SIGLEC1: variants seen among roughly 807,000 people sequenced by gnomAD.
The protein encoded by SIGLEC1 is sialoadhesin.
Under a neutral mutation model 148.0 loss-of-function variants are expected in SIGLEC1, and 132 were observed. The observed-to-expected ratio is 0.89, with a 90% CI of 0.77 to 1.03. The LOEUF (loss-of-function observed/expected upper bound fraction) is 1.03, where lower values mean the gene tolerates loss of function less well. SIGLEC1 is among the 50% of genes least tolerant of loss of function. The probability of loss-of-function intolerance (pLI) is 0.00; values close to 1 mark genes in which losing one functional copy is unlikely to be tolerated. For missense variants in SIGLEC1, 2,253 were observed against 2,271.4 expected (o/e 0.99, Z 0.16); for synonymous variants, 945 against 969.0 (o/e 0.98, Z 0.46).
Position 3,703,980 on chromosome 20 carries a change from G to A in SIGLEC1, c.818C>T (p.Ser273Phe). Reference sequence around the variant, plus strand: ...TACCCCATCCTTGAGCCACTTAATGGAACTGACTGCAGGGTAGCTGCTGTT... The same window carrying A: ...TACCCCATCCTTGAGCCACTTAATGAAACTGACTGCAGGGTAGCTGCTGTT... ...QVNSSYPAVS[S>F]IKWLKDGVRL... Residue 273 changes from serine to phenylalanine, a missense_variant, in exon 5 of 22, where the codon TCC becomes TTC. Transcript: ENST00000344754. 1.9e-6 allele frequency: 3 copies of A among 1,612,498 alleles called. No individual in the cohort carries two copies. The highest frequency in any genetic ancestry group is 2.5e-6 in the Non-Finnish European group (3 of 1,178,984).
rs780180934 is a variant in SIGLEC1, at chr20:3,697,103, C to A, written c.2362G>T (p.Val788Leu). The change falls in exon 10 of 22, where the codon GTG (valine) becomes TTG (leucine). Residue 788 changes from valine (V) to leucine (L), a missense_variant. Physicochemically the swap from Val to Leu is conservative, Grantham distance 32 (BLOSUM62 1). Coordinates refer to ENST00000344754, the MANE Select transcript of SIGLEC1 (RefSeq NM_023068.4). The part of the protein sequence containing the change: ...TEAGAQLSTP[V>L]LLSVLYPPDR... ...CACCCACAGAGTACACTCAGGAGCA[C>A]GGGAGTGGAGAGCTGGGCACCAGCC... 81 of 1,612,038 alleles carry A rather than the reference C, an allele frequency of 5.0e-5. No individual in the cohort carries two copies. The highest frequency in any genetic ancestry group is 6.5e-5 in the Non-Finnish European group (77 of 1,180,002).
chr20:3,698,785 C>G (rs1310373766), intron 8 of SIGLEC1, among the ~76,000 whole-genome samples: 1 of 152,244 alleles, frequency 6.6e-6, no homozygotes, highest in Non-Finnish European at 1.5e-5. Flanking sequence ...TTACACGGAG[C>G]CTCCCCGCTT....
Position 3,694,936 on chromosome 20 carries a change from A to T in SIGLEC1, c.2684-13T>A. 1 of 1,605,862 alleles carries T rather than the reference A, an allele frequency of 6.2e-7. No homozygotes were observed. Among genetic ancestry groups the T allele is most frequent in the Non-Finnish European group, 8.5e-7 (1 of 1,176,328 alleles). On this transcript the variant is annotated splice_polypyrimidine_tract_variant and intron_variant, in intron 11 of 21. Transcript: ENST00000344754. The stretch of plus-strand genomic sequence containing the variant: ...TGGACCCAGGCTCCTGCAGGGGAAA[A>T]CCAAGAGCAGGTGAGGGCTCTCCAC...
rs2087921641 is a variant in SIGLEC1 at position 3,710,388 on chromosome 20, C to A, written c.-110+2082G>T. Among the ~76,000 whole-genome samples, 1 of 152,188 alleles carries A rather than the reference C, an allele frequency of 6.6e-6. No individual in the cohort carries two copies. The highest frequency in any genetic ancestry group is 2.1e-4 in the South Asian group (1 of 4,830). On this transcript the variant is annotated intron_variant, in intron 1 of 21. Coordinates refer to ENST00000344754, the MANE Select transcript of SIGLEC1 (RefSeq NM_023068.4). The surrounding 1 kb of genome is among the most constrained non-coding windows in gnomAD (Gnocchi z 4.6). Reference sequence around the variant, plus strand: ...GGACACCGCTCCCCAGGGGACCCAGCCCTCTCGCAGGCTGCTGGAGTGGAC... The same window carrying A: ...GGACACCGCTCCCCAGGGGACCCAGACCTCTCGCAGGCTGCTGGAGTGGAC...
Position 3,699,176 on chromosome 20 carries a change from G to C in SIGLEC1, c.1786+26C>G, listed in dbSNP as rs368505781. 272 of 1,603,416 alleles carry C rather than the reference G, an allele frequency of 1.7e-4. 3 individuals are homozygous for C. The highest frequency in any genetic ancestry group is 4.3e-4 in the Middle Eastern group (2 of 4,636). ...GGGTGGCTGGTGGGTCCCGGCAGGA[G>C]GCTGCAACAGGTGGTGGCTGCTCAC... is the stretch of plus-strand genomic sequence containing the variant. On this transcript the variant is annotated intron_variant, in intron 8 of 21. Transcript: ENST00000344754.
chr20:3,704,847 C>T (rs1391689315), intron 4 of SIGLEC1, among the ~76,000 whole-genome samples: 1 of 152,128 alleles, frequency 6.6e-6, no homozygotes, highest in African/African-American at 2.4e-5. Flanking sequence ...TGGTCTCGAA[C>T]TCCTTGCCTC....
At chr20:3,712,445 G>C (rs1352146328) in intron 1 of SIGLEC1, among the ~76,000 whole-genome samples, 25 bp downstream of exon 1, 2 of 151,896 alleles carry the variant, frequency 1.3e-5, no homozygotes, top group Non-Finnish European at 2.9e-5. Context: ...CACCCTCTGG[G>C]CCCAGGGACC....
rs948565843 is a variant in SIGLEC1 at position 3,695,052 on chromosome 20, A to G, written c.2684-129T>C. 4 of 944,420 alleles carry G rather than the reference A, an allele frequency of 4.2e-6. No homozygotes were observed. The African/African-American group carries it at 6.6e-5, about 16-fold the overall frequency. The allele number at this position is 944,420 out of a possible 1,614,324, so 58.5% of individuals were successfully genotyped here. A position where few individuals can be genotyped will look rare whatever the true frequency, so the allele number is the denominator to read the frequency against. On this transcript the variant is annotated intron_variant, in intron 11 of 21. Coordinates refer to ENST00000344754, the MANE Select transcript of SIGLEC1 (RefSeq NM_023068.4). ...CTGGAGCCGCAGCCCCTTCCAGACC[A>G]CCGCCAGGGCCCACTCAGCCCTATG...
rs1022434366 is a variant in SIGLEC1, at chr20:3,691,896, C to T, written c.4330+7G>A. 2 of 1,562,146 alleles carry T rather than the reference C, an allele frequency of 1.3e-6. No homozygotes were observed. Among genetic ancestry groups the T allele is most frequent in the South Asian group, 2.4e-5 (2 of 83,270 alleles). On this transcript the variant is annotated splice_region_variant and intron_variant, in intron 17 of 21. Coordinates refer to ENST00000344754, the MANE Select transcript of SIGLEC1 (RefSeq NM_023068.4). ...GAGCCCCTCCTCCTCCCCTCTCTTC[C>T]ACTCACCTTCTACCTGCAACCGCCC...
At chr20:3,697,391 C>G (rs775300569) in intron 9 of SIGLEC1, 49 bp from the exon 10 acceptor site, 2 of 1,605,080 alleles carry the variant, frequency 1.2e-6, no homozygotes, top group Non-Finnish European at 1.7e-6. Context: ...CCCCCAGGAG[C>G]CAGGGGTCCA....
At chr20:3,700,697 C>CTT (rs71195856) in intron 7 of SIGLEC1, among the ~76,000 whole-genome samples, 15 of 119,880 alleles carry the variant, frequency 1.3e-4, no homozygotes, top group Non-Finnish European at 1.5e-4. Flanking sequence ...TTTTCTTTTT[C>CTT]TTTTTTTTTT....
rs1052010788 is a variant in SIGLEC1, at chr20:3,706,468, C to T, written c.288G>A (p.Arg96=). ...RTEFMGNPEH[R]VCNLLLKDLQ... is the part of the protein sequence containing the mutation. ...GGTCCTTCAGCAGCAGGTTGCACAC[C>T]CTGTGCTCGGGGTTCCCCATGAACT... is the stretch of plus-strand genomic sequence containing the variant. Residue 96 remains arginine, a synonymous_variant, in exon 3 of 22, where the codon AGG becomes AGA. Coordinates refer to ENST00000344754, the MANE Select transcript of SIGLEC1 (RefSeq NM_023068.4). The T allele has an allele frequency of 2.2e-5, 35 of 1,613,904 alleles. No homozygotes were observed. Among genetic ancestry groups the T allele is most frequent in the South Asian group, 3.3e-5 (3 of 91,092 alleles).
intron 11 of SIGLEC1, among the ~76,000 whole-genome samples, chr20:3,696,129 T>TATATATACACACACACACAC (rs11087599): frequency 7.0e-6 from 1 of 142,426 alleles, no homozygotes. Context: ...ACTATATATA[T>TATATATACACACACACACAC]ACACACACAC....
Position 3,694,441 on chromosome 20 carries a change from C to G in SIGLEC1, c.3036G>C (p.Pro1012=), listed in dbSNP as rs143894949. The stretch of plus-strand genomic sequence containing the variant: ...CCCCGTGGAGCAGCCGCAGCTGGGC[C>G]GGAGGGTCACTGTCCACACGGCACA... The part of the protein sequence containing the change: ...LLLCRVDSDP[P]AQLRLLHGDR... The change falls in exon 13 of 22, where the codon CCG becomes CCC. Residue 1012 remains proline, a synonymous_variant. Transcript: ENST00000344754. The G allele has an allele frequency of 1.8e-3, 2,922 of 1,610,404 alleles. 44 individuals are homozygous for G. In the African/African-American group the frequency reaches 0.034, roughly 19 times the overall value.
intron 21 of SIGLEC1, chr20:3,688,825 G>T: frequency 1.7e-6 from 1 of 598,228 alleles, no homozygotes; most frequent in Non-Finnish European, 3.0e-6. Context: ...TTCTGCCCAG[G>T]TGACGGGCAG....
chr20:3,698,102 C>G lies in SIGLEC1; in HGVS notation c.1818G>C (p.Arg606Ser). 2 of 1,604,144 alleles carry G rather than the reference C, an allele frequency of 1.2e-6. No individual in the cohort carries two copies. Among genetic ancestry groups the G allele is most frequent in the Non-Finnish European group, 1.7e-6 (2 of 1,176,986 alleles). The change falls in exon 9 of 22, where the codon AGG becomes AGC. Residue 606 changes from arginine (R) to serine (S), a missense_variant. By Grantham distance (110) the Arg-to-Ser change is moderately radical (BLOSUM62 -1). Coordinates refer to ENST00000344754, the MANE Select transcript of SIGLEC1 (RefSeq NM_023068.4). ...CGGCCCCAGCGGCATCAAGGTCCAG[C>G]CTGGTGGTGAATGTTGGTTGTCGAG... The part of the protein sequence containing the change: ...YPPRQPTFTT[R>S]LDLDAAGAGA...
chr20:3,694,821 C>A lies in SIGLEC1; in HGVS notation c.2786G>T (p.Arg929Leu). The A allele has an allele frequency of 6.2e-7, 1 of 1,613,556 alleles. No homozygotes were observed. Among genetic ancestry groups the A allele is most frequent in the Non-Finnish European group, 8.5e-7 (1 of 1,179,984 alleles). ...HTGVPEGTSY[R>L]WYRDGQPLQE... ...GAGGGGCTGGCCATCCCGATACCAA[C>A]GATATGAGGTCCCCTCTGGGACTCC... Residue 929 changes from arginine to leucine, a missense_variant, in exon 12 of 22, where the codon CGT becomes CTT. Physicochemically the swap from Arg to Leu is moderately radical, Grantham distance 102. Coordinates refer to ENST00000344754, the MANE Select transcript of SIGLEC1 (RefSeq NM_023068.4).
In SIGLEC1 at chr20:3,690,058, T is replaced by A; in HGVS notation, c.4798A>T (p.Ile1600Phe). The A allele has an allele frequency of 6.2e-7, 1 of 1,612,380 alleles. No homozygotes were observed. The highest frequency in any genetic ancestry group is 1.3e-5 in the African/African-American group (1 of 75,026). ...LASPNALRVDIEALRPSDQGE... is the reference protein window; with the variant it reads ...LASPNALRVDFEALRPSDQGE... ...TGGTCGCTGGGCCTCAGCGCCTCGA[T>A]GTCCACCCTCAGGGCATTGGGGGAA... is the stretch of plus-strand genomic sequence containing the variant. The change falls in exon 19 of 22, where the codon ATC becomes TTC. Residue 1600 changes from isoleucine to phenylalanine, a missense_variant. By Grantham distance (21) the Ile-to-Phe change is conservative (BLOSUM62 0). Coordinates refer to ENST00000344754, the MANE Select transcript of SIGLEC1 (RefSeq NM_023068.4).
intron 21 of SIGLEC1, chr20:3,688,838 T>C (rs2088725514): frequency 1.7e-6 from 1 of 597,526 alleles, no homozygotes; most frequent in Non-Finnish European, 3.0e-6. Context: ...ACGGGCAGGC[T>C]TGGGAGTGGG....
Sources: allele counts gnomAD v4.1 joint callset (sites outside exome capture counted in the v4.1 genomes callset), GRCh38; gene constraint gnomAD v4.1.1; non-coding constraint Gnocchi (gnomAD v3.1); transcripts MANE v1.5; gene names NCBI Gene and HGNC (gene_info 2026-07-23, HGNC 2026-07-21).